MTCL1: variants seen among roughly 807,000 people sequenced by gnomAD.
The protein encoded by MTCL1 is microtubule cross-linking factor 1.
A neutral mutation model predicts 141.4 loss-of-function variants in MTCL1; 79 were observed. That is an observed-to-expected ratio of 0.56 (90% CI 0.47 to 0.67). The LOEUF (loss-of-function observed/expected upper bound fraction) is 0.67. MTCL1 is among the 30% of genes least tolerant of loss of function. MTCL1 has a pLI of 0.00. For synonymous variants in MTCL1, 914 were observed against 875.8 expected (o/e 1.04, Z -0.77); for missense variants, 2,177 against 2,113.9 (o/e 1.03, Z -0.59).
chr18:8,831,899 T>G, exon 17 of MTCL1: 1 of 1,389,490 alleles, frequency 7.2e-7, no homozygotes, highest in African/African-American at 1.4e-5. Flanking sequence ...AGATCTAGTT[T>G]TCTCAAGGTC....
intron 1 of MTCL1, among the ~76,000 whole-genome samples, chr18:8,710,617 T>C (rs184735079): frequency 6.6e-6 from 1 of 151,806 alleles, no homozygotes; most frequent in East Asian, 1.9e-4. Context: ...TGAGTTTTTT[T>C]TTTTCACAAA....
intron 4 of MTCL1, among the ~76,000 whole-genome samples, chr18:8,768,479 G>GT (rs1421121255): frequency 6.6e-6 from 1 of 152,180 alleles, no homozygotes; most frequent in Non-Finnish European, 1.5e-5. Flanking sequence ...GGTCTGTAGG[G>GT]TATGTTGGCA....
intron 1 of MTCL1, among the ~76,000 whole-genome samples, chr18:8,709,034 C>T (rs1371472445): frequency 2.6e-5 from 4 of 152,200 alleles, no homozygotes; most frequent in African/African-American, 9.7e-5. Flanking sequence ...GACTTTTCTA[C>T]AGGTCGTGGA....
At chr18:8,756,286 T>TTAGC (rs199856939) in intron 4 of MTCL1, among the ~76,000 whole-genome samples, 9,835 of 151,812 alleles carry the variant, frequency 0.065, 1,095 homozygotes, top group African/African-American at 0.23. Context: ...GATTTCAGCC[T>TTAGC]TAGCCATGAA....
intron 4 of MTCL1, among the ~76,000 whole-genome samples, chr18:8,726,291 T>C (rs1210309684): frequency 2.7e-5 from 2 of 72,930 alleles, no homozygotes; most frequent in East Asian, 9.2e-4. Flanking sequence ...TTTTTCTTTT[T>C]TTTTTTTTTT....
At chr18:8,807,838 AG>A (rs1303155915) in intron 11 of MTCL1, among the ~76,000 whole-genome samples, 1 of 152,154 alleles carries the variant, frequency 6.6e-6, no homozygotes, top group African/African-American at 2.4e-5. Flanking sequence ...GAGGGAGGGA[AG>A]GTCTGTGTAT....
At chr18:8,804,375 C>A (rs2076223226) in intron 10 of MTCL1, among the ~76,000 whole-genome samples, 2 of 151,936 alleles carry the variant, frequency 1.3e-5, no homozygotes, top group South Asian at 2.1e-4. Flanking sequence ...CCCATCTCAG[C>A]CTCCTGAGTA....
At chr18:8,726,043 G>A (rs1236141219) in intron 4 of MTCL1, among the ~76,000 whole-genome samples, 3 of 151,542 alleles carry the variant, frequency 2.0e-5, no homozygotes, top group Admixed American at 1.3e-4. Flanking sequence ...TGCCCGCCTC[G>A]GCCTCCCAAA....
At chr18:8,782,401 T>C (rs2096535696) in intron 5 of MTCL1, 1 of 152,236 alleles carries the variant, frequency 6.6e-6, no homozygotes, top group Non-Finnish European at 1.5e-5. Context: ...ATTTTTCCCA[T>C]CTGCTGAATG....
At chr18:8,783,654 A>G (rs1598636022) in exon 6 of MTCL1, 1 of 1,613,150 alleles carries the variant, frequency 6.2e-7, no homozygotes, top group Non-Finnish European at 8.5e-7. Flanking sequence ...CAGAAGTACA[A>G]GTCCCTCTAT....
exon 15 of MTCL1, chr18:8,824,743 A>T: frequency 1.2e-6 from 2 of 1,613,960 alleles, no homozygotes; most frequent in Non-Finnish European, 1.7e-6. Context: ...CGTCTAATGG[A>T]CATCTCCCCC....
At chr18:8,824,822 C>A in exon 15 of MTCL1, 1 of 1,614,160 alleles carries the variant, frequency 6.2e-7, no homozygotes. Context: ...TGTCTCCAGA[C>A]GACCTCAAGT....
chr18:8,778,369 T>A (rs1223407708), intron 5 of MTCL1, among the ~76,000 whole-genome samples: 1 of 152,244 alleles, frequency 6.6e-6, no homozygotes, highest in Non-Finnish European at 1.5e-5. Context: ...AGATGCACAG[T>A]ATGTATTCTT....
Position 8,824,687 on chromosome 18 carries a change from T to G in MTCL1, c.3189-12T>G, listed in dbSNP as rs1373679420. The G allele has an allele frequency of 6.3e-7, 1 of 1,596,740 alleles. No homozygotes were observed. The highest frequency in any genetic ancestry group is 2.2e-5 in the East Asian group (1 of 44,744). ...TGGCAGGTACTGACACCCTCTTTTCTGCTTTTCCCAGGGCGGTGTCCGTGT... is the reference window on the plus strand; with the variant it reads ...TGGCAGGTACTGACACCCTCTTTTCGGCTTTTCCCAGGGCGGTGTCCGTGT... On this transcript the variant is annotated splice_polypyrimidine_tract_variant and intron_variant, in intron 14 of 16. Transcript: ENST00000359865.
At chr18:8,829,414 T>G in intron 16 of MTCL1, 1 of 984,548 alleles carries the variant, frequency 1.0e-6, no homozygotes, top group Non-Finnish European at 1.2e-6. Context: ...GCTTTTGTTT[T>G]TCATTTTTCA....
intron 10 of MTCL1, among the ~76,000 whole-genome samples, chr18:8,803,764 T>A (rs1302040462): frequency 6.6e-6 from 1 of 152,258 alleles, no homozygotes; most frequent in Non-Finnish European, 1.5e-5. Flanking sequence ...TTTTGATTAC[T>A]CTGATGCAAA....
At chr18:8,784,420 C>T (rs1823442390) in exon 6 of MTCL1, 2 of 1,528,054 alleles carry the variant, frequency 1.3e-6, no homozygotes, top group Middle Eastern at 1.8e-4. Context: ...CATCGGAGGC[C>T]AGCGAGCCAT....
intron 10 of MTCL1, among the ~76,000 whole-genome samples, chr18:8,802,685 A>T (rs565896299): frequency 1.3e-5 from 2 of 152,354 alleles, no homozygotes; most frequent in African/African-American, 2.4e-5. Flanking sequence ...ATTATAGCAC[A>T]TTGTAAGTCT....
chr18:8,805,912 A>C (rs954334936), intron 10 of MTCL1, among the ~76,000 whole-genome samples: 5 of 152,248 alleles, frequency 3.3e-5, no homozygotes, highest in African/African-American at 1.2e-4. Flanking sequence ...CCCTTCTGAT[A>C]TAATGCCCTT....
Sources: gnomAD v4.1 joint callset for allele counts (sites outside exome capture counted in the v4.1 genomes callset) on GRCh38, gnomAD v4.1.1 for gene constraint, MANE v1.5 for transcripts, NCBI Gene and HGNC (gene_info 2026-07-23, HGNC 2026-07-21) for gene names.